The following EIF2B3 variants were observed in gnomAD, a reference collection of about 807,000 sequenced individuals.
EIF2B3 encodes the protein eukaryotic translation initiation factor 2B subunit gamma, also known as translation initiation factor eIF2B subunit gamma.
In EIF2B3, 20 loss-of-function variants were observed where a neutral mutation model predicts 54.1. The observed-to-expected ratio is 0.37, with a 90% CI of 0.26 to 0.54. The LOEUF (loss-of-function observed/expected upper bound fraction) is 0.54. Ranked by LOEUF, EIF2B3 falls within the 20% of genes least tolerant of loss-of-function variation. EIF2B3 has a pLI of 0.86. For missense variants in EIF2B3, 448 were observed against 547.8 expected (o/e 0.82, Z 1.82); for synonymous variants, 153 against 188.1 (o/e 0.81, Z 1.52).
At chr1:44,866,397 C>CAAAA (rs1426558504) in intron 10 of EIF2B3, among the ~76,000 whole-genome samples, 2 of 101,468 alleles carry the variant, frequency 2.0e-5, no homozygotes, top group Non-Finnish European at 2.1e-5. Flanking sequence ...GATTCTGTCT[C>CAAAA]AAAAAAAAAA....
At chr1:44,967,005 G>A (rs1216154819) in intron 3 of EIF2B3, among the ~76,000 whole-genome samples, 3 of 151,670 alleles carry the variant, frequency 2.0e-5, no homozygotes, top group Non-Finnish European at 2.9e-5. Flanking sequence ...TAGTAGAGAT[G>A]GGGTTTCACC....
chr1:44,885,893 C>G (rs1284977062), intron 6 of EIF2B3, among the ~76,000 whole-genome samples: 1 of 141,378 alleles, frequency 7.1e-6, no homozygotes, highest in Non-Finnish European at 1.5e-5. Context: ...TGACACCACG[C>G]TTGGCTAATT....
At chr1:44,941,783 T>C in intron 3 of EIF2B3, 118 bp from the exon 4 acceptor site, 2 of 1,193,058 alleles carry the variant, frequency 1.7e-6, no homozygotes, top group Non-Finnish European at 2.5e-6. Context: ...TCTTCAAGCA[T>C]TTTTCATAGC....
intron 10 of EIF2B3, among the ~76,000 whole-genome samples, chr1:44,872,810 T>A (rs529975049): frequency 1.3e-5 from 2 of 152,214 alleles, no homozygotes; most frequent in African/African-American, 2.4e-5. Context: ...CACCTATCAC[T>A]TCTTACTGCA....
chr1:44,877,214 A>AAAAAC (rs1655220114), intron 8 of EIF2B3, among the ~76,000 whole-genome samples: 3 of 148,436 alleles, frequency 2.0e-5, no homozygotes, highest in Non-Finnish European at 4.5e-5. Flanking sequence ...AAAAAAAAAA[A>AAAAAC]AAAAAAAACA....
chr1:44,869,551 C>T lies in EIF2B3; in HGVS notation c.1202+5127G>A, dbSNP rs111701985. ...AACCTACAAGGTAGTTCAGTTTTAC[C>T]CCCATTTTATAATGAGAAAATCAGG... On this transcript the variant is annotated intron_variant, in intron 10 of 11. Coordinates refer to ENST00000360403, the MANE Select transcript of EIF2B3 (RefSeq NM_020365.5). Among the ~76,000 whole-genome samples the T allele has an allele frequency of 4.7e-3, 707 of 149,212 alleles. 1 individual carries two copies. Among genetic ancestry groups the T allele is most frequent in the Non-Finnish European group, 7.1e-3 (478 of 67,776 alleles).
intron 3 of EIF2B3, among the ~76,000 whole-genome samples, chr1:44,974,850 T>C (rs144387371): frequency 6.6e-6 from 1 of 151,814 alleles, no homozygotes. Context: ...CAATTGAAAA[T>C]AGAAAAAATA....
intron 5 of EIF2B3, among the ~76,000 whole-genome samples, chr1:44,917,805 C>A (rs1342852867): frequency 1.0e-5 from 1 of 100,112 alleles, no homozygotes; most frequent in Non-Finnish European, 1.8e-5. Context: ...ACGGAGTCTT[C>A]CTCTGTTGCC....
intron 4 of EIF2B3, among the ~76,000 whole-genome samples, chr1:44,935,292 C>G (rs1195461817): frequency 1.3e-5 from 2 of 152,100 alleles, no homozygotes; most frequent in Non-Finnish European, 2.9e-5. Flanking sequence ...AACATATTAT[C>G]TGCAATAAAG....
At chr1:44,883,767 T>C (rs1440420652) in intron 6 of EIF2B3, among the ~76,000 whole-genome samples, 2 of 152,210 alleles carry the variant, frequency 1.3e-5, no homozygotes, top group Non-Finnish European at 2.9e-5. Flanking sequence ...ATCGTCTCTA[T>C]CTCGGCAGCA....
At chr1:44,940,376 C>A (rs960858589) in intron 4 of EIF2B3, among the ~76,000 whole-genome samples, 6 of 152,040 alleles carry the variant, frequency 3.9e-5, no homozygotes, top group Non-Finnish European at 7.4e-5. Context: ...AAAATTTAAA[C>A]CCATAAAAGG....
chr1:44,911,346 G>A (rs1242459427), intron 5 of EIF2B3, among the ~76,000 whole-genome samples: 1 of 152,156 alleles, frequency 6.6e-6, no homozygotes. Context: ...AAAAAAATCT[G>A]CCAACAACTA....
intron 5 of EIF2B3, among the ~76,000 whole-genome samples, chr1:44,900,062 C>A (rs1364937336): frequency 1.3e-5 from 2 of 152,156 alleles, no homozygotes; most frequent in Non-Finnish European, 2.9e-5. Flanking sequence ...GGCCACTATC[C>A]TAAGCAAAGT....
At chr1:44,928,534 A>G (rs1460156897) in intron 4 of EIF2B3, among the ~76,000 whole-genome samples, 2 of 151,820 alleles carry the variant, frequency 1.3e-5, no homozygotes, top group Non-Finnish European at 2.9e-5. Context: ...TCTCTCTGCA[A>G]ATAATAACCT....
intron 3 of EIF2B3, among the ~76,000 whole-genome samples, chr1:44,956,065 G>C (rs528492377): frequency 6.6e-6 from 1 of 152,102 alleles, no homozygotes; most frequent in Non-Finnish European, 1.5e-5. Context: ...ACATGCACAC[G>C]TATGTTTACT....
chr1:44,865,216 T>TAAAAAA (rs57763807), intron 10 of EIF2B3, among the ~76,000 whole-genome samples: 17 of 140,074 alleles, frequency 1.2e-4, no homozygotes, highest in South Asian at 2.3e-4. Context: ...GACTCCATCT[T>TAAAAAA]AAAAAAAAAA....
chr1:44,886,316 T>C (rs1013947719), intron 6 of EIF2B3, among the ~76,000 whole-genome samples: 2 of 150,786 alleles, frequency 1.3e-5, no homozygotes, highest in African/African-American at 4.9e-5. Context: ...CCTGACCTCA[T>C]GATCTGACCT....
At chr1:44,968,069 T>C (rs1644364192) in intron 3 of EIF2B3, among the ~76,000 whole-genome samples, 1 of 148,556 alleles carries the variant, frequency 6.7e-6, no homozygotes, top group East Asian at 2.0e-4. Context: ...AAAATAAAAA[T>C]ATAAAAGAAA....
rs621630 is a variant in EIF2B3 at position 44,852,408 on chromosome 1, C to T, written c.1307-1405G>A. ...CCTTCCCTTTTGCACTGTCCATTTC[C>T]TGCTTTGTGAAACCACTGTACCTAA... On this transcript the variant is annotated intron_variant, in intron 11 of 11. Transcript: ENST00000360403. Among the ~76,000 whole-genome samples, 5,179 of 152,232 alleles carry T rather than the reference C, an allele frequency of 0.034. 737 individuals carry two copies. In the East Asian group the frequency reaches 0.47, roughly 14 times the overall value.
Sources: gnomAD v4.1 joint callset for allele counts (sites outside exome capture counted in the v4.1 genomes callset) on GRCh38, gnomAD v4.1.1 for gene constraint, MANE v1.5 for transcripts, NCBI Gene and HGNC (gene_info 2026-07-23, HGNC 2026-07-21) for gene names.